Variants in ZNF534 observed in about 807,000 individuals in gnomAD.
ZNF534 encodes zinc finger protein 534.
ZNF534 carries 19 observed loss-of-function variants against 13.6 expected under a neutral mutation model. That is an observed-to-expected ratio of 1.40 (90% CI 0.97 to 2.05). The LOEUF is 2.05. Among genes scored for constraint, ZNF534 ranks in the 30% most tolerant of loss-of-function variants. The pLI is 0.00. For synonymous variants in ZNF534, 244 were observed against 273.8 expected, an observed-to-expected ratio of 0.89 and a Z score of 1.07; for missense variants, 782 against 796.3, an observed-to-expected ratio of 0.98 and a Z score of 0.22.
chr19:52,448,126 A>C (rs2059200627), intron 4 of ZNF534, among the ~76,000 whole-genome samples: 1 of 152,016 alleles, frequency 6.6e-6, no homozygotes, highest in Admixed American at 6.6e-5. Flanking sequence ...TAAAAAGAAA[A>C]ATTTTTTGGC....
At chr19:52,433,141 G>T (rs1351395931) in intron 2 of ZNF534, among the ~76,000 whole-genome samples, 1 of 150,270 alleles carries the variant, frequency 6.7e-6, no homozygotes, top group Non-Finnish European at 1.5e-5. Context: ...TACTCGGGAG[G>T]CTTAAGAGGA....
intron 3 of ZNF534, 139 bp from the exon 4 acceptor site, chr19:52,434,942 T>C: frequency 9.0e-7 from 1 of 1,106,420 alleles, no homozygotes; most frequent in Non-Finnish European, 1.3e-6. Context: ...TCCCTTAGCA[T>C]TCAGAAGGAT....
intron 3 of ZNF534, among the ~76,000 whole-genome samples, chr19:52,434,803 G>A (rs912543161): frequency 4.0e-5 from 6 of 151,880 alleles, no homozygotes; most frequent in Admixed American, 3.9e-4. Context: ...ATCATTGATG[G>A]CACCAGGGCT....
chr19:52,441,840 T>C lies in ZNF534; in HGVS notation c.*2394T>C, dbSNP rs1896643. On this transcript the variant is annotated 3_prime_UTR_variant, in exon 5 of 5. Coordinates refer to ENST00000433050, the MANE Select transcript of ZNF534 (RefSeq NM_001143938.3). ...GGAGAGAAACCTTACAAATGCAACA[T>C]ATGTGGTAAAATGTTTTAGTCACAA... Among the ~76,000 whole-genome samples, 139,424 of 152,226 alleles carry C rather than the reference T, an allele frequency of 0.92. 64,178 individuals carry two copies. Among genetic ancestry groups the C allele is most frequent in the Non-Finnish European group, 0.96 (65,565 of 68,038 alleles).
intron 1 of ZNF534, among the ~76,000 whole-genome samples, chr19:52,429,627 C>T (rs1204373709): frequency 2.8e-5 from 4 of 143,180 alleles, no homozygotes; most frequent in Admixed American, 7.1e-5. Context: ...CTGAGTTTTG[C>T]TCTTGTTGCC....
At chr19:52,445,229 C>T (rs1195596199), downstream of ZNF534, among the ~76,000 whole-genome samples, 1 of 150,130 alleles carries the variant, frequency 6.7e-6, no homozygotes, top group East Asian at 2.0e-4. Flanking sequence ...CAGAGTCTTG[C>T]TCTGTCACCC....
rs2059152803 is a variant in ZNF534, at chr19:52,439,077, A to G, written c.1617A>G (p.Arg539=). ...KVFRRNSHLV[R]HRNVHTGEKP... is the part of the protein sequence containing the mutation. The stretch of plus-strand genomic sequence containing the variant: ...TCCGTCGGAATTCACACCTTGTGCG[A>G]CATAGGAATGTTCATACTGGAGAAA... The change falls in exon 5 of 5, where the codon CGA becomes CGG. Residue 539 remains arginine, a synonymous_variant. Coordinates refer to ENST00000433050, the MANE Select transcript of ZNF534 (RefSeq NM_001143938.3). 1 of 1,593,332 alleles carries G rather than the reference A, an allele frequency of 6.3e-7. No individual in the cohort carries two copies. Among genetic ancestry groups the G allele is most frequent in the South Asian group, 1.1e-5 (1 of 89,036 alleles).
At position 52,441,084 on chromosome 19, in the gene ZNF534, T is replaced by C. The variant is rs1449256520; in HGVS notation, c.*1638T>C. Among the ~76,000 whole-genome samples, 1 of 152,110 alleles carries C rather than the reference T, an allele frequency of 6.6e-6. No individual in the cohort carries two copies. Among genetic ancestry groups the C allele is most frequent in the African/African-American group, 2.4e-5 (1 of 41,438 alleles). On this transcript the variant is annotated 3_prime_UTR_variant, in exon 5 of 5. Coordinates refer to ENST00000433050, the MANE Select transcript of ZNF534 (RefSeq NM_001143938.3). Reference sequence around the variant, plus strand: ...CATGCCTGGCTAATTTTTTGTATTTTTAGTAGAGACGGGGTTTCACCATGT... The same window carrying C: ...CATGCCTGGCTAATTTTTTGTATTTCTAGTAGAGACGGGGTTTCACCATGT...
rs368394896 is a variant in ZNF534, at chr19:52,438,690, C to G, written c.1230C>G (p.Tyr410Ter). The G allele has an allele frequency of 5.7e-6, 9 of 1,581,506 alleles. No homozygotes were observed. The Admixed American group carries it at 9.2e-5, about 16-fold the overall frequency. Reference protein sequence around the residue: ...HRKIHTGGRRYKCNECGKAFR... With the variant: ...HRKIHTGGRR ...AAATTCATACTGGGGGGAGGCGTTA[C>G]AAATGTAATGAATGTGGCAAAGCAT... is the stretch of plus-strand genomic sequence containing the variant. Residue 410 changes from tyrosine (Y) to a stop codon, truncating the protein, a stop_gained, in exon 5 of 5, where the codon TAC (tyrosine) becomes TAG (stop). Coordinates refer to ENST00000433050, the MANE Select transcript of ZNF534 (RefSeq NM_001143938.3). LOFTEE classifies it low-confidence loss of function (END_TRUNC).
In ZNF534 at chr19:52,441,798, A is replaced by G. The variant is rs749052291; in HGVS notation, c.*2352A>G. 6.6e-6 allele frequency among the ~76,000 whole-genome samples: 1 copy of G among 152,192 alleles called. No homozygotes were observed. The highest frequency in any genetic ancestry group is 2.4e-5 in the African/African-American group (1 of 41,442). On this transcript the variant is annotated 3_prime_UTR_variant, in exon 5 of 5. Transcript: ENST00000433050. Reference sequence around the variant, plus strand: ...CCACATAGAGAGAAACCTTACAAATACAAATCACCACATAATGGAGAGAAA... The same window carrying G: ...CCACATAGAGAGAAACCTTACAAATGCAAATCACCACATAATGGAGAGAAA...
At chr19:52,449,463 A>G (rs1166578888) in intron 4 of ZNF534, among the ~76,000 whole-genome samples, 1 of 151,980 alleles carries the variant, frequency 6.6e-6, no homozygotes, top group Non-Finnish European at 1.5e-5. Context: ...ATTTTCCATA[A>G]TGGCTATACT....
Position 52,442,254 on chromosome 19 carries a change from G to A in ZNF534, c.*2808G>A, listed in dbSNP as rs73571843. ...GGGCATGACACCCATGCTGAAGGTC[G>A]TTGGTTTACCAGAATGATGGCAAAG... On this transcript the variant is annotated 3_prime_UTR_variant, in exon 5 of 5. Transcript: ENST00000433050. Among the ~76,000 whole-genome samples, 2 of 152,316 alleles carry A rather than the reference G, an allele frequency of 1.3e-5. No homozygotes were observed. Among genetic ancestry groups the A allele is most frequent in the Non-Finnish European group, 2.9e-5 (2 of 68,036 alleles).
intron 2 of ZNF534, among the ~76,000 whole-genome samples, chr19:52,433,484 A>G (rs190665010): frequency 6.6e-6 from 1 of 152,084 alleles, no homozygotes; most frequent in Non-Finnish European, 1.5e-5. Context: ...CTCCTGCCTC[A>G]GCCTCCTGAG....
intron 2 of ZNF534, among the ~76,000 whole-genome samples, chr19:52,433,556 T>TG (rs1460121072): frequency 3.9e-5 from 6 of 152,130 alleles, no homozygotes; most frequent in Non-Finnish European, 8.8e-5. Flanking sequence ...TTAGTAGAGA[T>TG]GGGGTTTCAC....
intron 2 of ZNF534, among the ~76,000 whole-genome samples, chr19:52,433,247 A>G (rs2122662577): frequency 6.6e-6 from 1 of 151,244 alleles, no homozygotes; most frequent in South Asian, 2.1e-4. Context: ...AAAAAAAAAA[A>G]AAAAAAAAAA....
At chr19:52,447,688 T>G (rs181080429) in intron 4 of ZNF534, among the ~76,000 whole-genome samples, 1 of 152,238 alleles carries the variant, frequency 6.6e-6, no homozygotes, top group Non-Finnish European at 1.5e-5. Context: ...TGATCAAATT[T>G]TATTTTTTTC....
Position 52,435,514 on chromosome 19 carries a change from C to T in ZNF534, c.271+305C>T, listed in dbSNP as rs112237635. 5.2e-3 allele frequency among the ~76,000 whole-genome samples: 791 copies of T among 151,946 alleles called. 10 individuals carry two copies. The highest frequency in any genetic ancestry group is 0.018 in the African/African-American group (763 of 41,448). ...ACAGACATTTTTCATTTTCTTTTTTCTGTTTTGAGATAGCGTCTCTCTCCT... is the reference window on the plus strand; with the variant it reads ...ACAGACATTTTTCATTTTCTTTTTTTTGTTTTGAGATAGCGTCTCTCTCCT... On this transcript the variant is annotated intron_variant, in intron 4 of 4. Coordinates refer to ENST00000433050, the MANE Select transcript of ZNF534 (RefSeq NM_001143938.3).
chr19:52,450,685 G>GTT (rs2059210909), intron 4 of ZNF534, among the ~76,000 whole-genome samples: 1 of 11,468 alleles, frequency 8.7e-5, no homozygotes, highest in African/African-American at 3.4e-4. Flanking sequence ...TTTTTTTTTT[G>GTT]TTTTTGTTTT....
chr19:52,439,655 A>G lies in ZNF534; in HGVS notation c.*209A>G, dbSNP rs531118740. On this transcript the variant is annotated 3_prime_UTR_variant, in exon 5 of 5. Coordinates refer to ENST00000433050, the MANE Select transcript of ZNF534 (RefSeq NM_001143938.3). ...GCACCTGTAGTCCCAGCTACTCAGG[A>G]GGCTGAGGCAGGAGGATGGCATGAA... Among the ~76,000 whole-genome samples, 1 of 151,438 alleles carries G rather than the reference A, an allele frequency of 6.6e-6. No homozygotes were observed. The highest frequency in any genetic ancestry group is 1.9e-4 in the East Asian group (1 of 5,152).
Sources: allele counts gnomAD v4.1 joint callset (sites outside exome capture counted in the v4.1 genomes callset), GRCh38; gene constraint gnomAD v4.1.1; transcripts MANE v1.5; gene names NCBI Gene and HGNC (gene_info 2026-07-23, HGNC 2026-07-21).